Variants in PPP1R17 observed in about 807,000 individuals in gnomAD.
PPP1R17 encodes the protein G-substrate.
A neutral mutation model predicts 15.9 loss-of-function variants in PPP1R17; 12 were observed. That is an observed-to-expected ratio of 0.75 (90% CI 0.48 to 1.22). The LOEUF (loss-of-function observed/expected upper bound fraction) is 1.22. PPP1R17 is among the 50% of genes most tolerant of loss of function. The probability of loss-of-function intolerance (pLI) is 0.00; values close to 1 mark genes in which losing one functional copy is unlikely to be tolerated. For synonymous variants in PPP1R17, 63 were observed against 64.5 expected (o/e 0.98, Z 0.11); for missense variants, 211 against 187.3 (o/e 1.13, Z -0.74).
At chr7:31,705,653 A>T (rs1483534328) in intron 4 of PPP1R17, among the ~76,000 whole-genome samples, 1 of 152,182 alleles carries the variant, frequency 6.6e-6, no homozygotes, top group African/African-American at 2.4e-5. Context: ...CTGCTGTTGA[A>T]TGGAGTCCAG....
intron 4 of PPP1R17, among the ~76,000 whole-genome samples, chr7:31,699,904 A>C (rs1452070462): frequency 1.3e-5 from 2 of 151,986 alleles, no homozygotes; most frequent in Non-Finnish European, 2.9e-5. Context: ...CTGTTAACTT[A>C]ATCTATAAGT....
At chr7:31,704,797 C>T (rs534045296) in intron 4 of PPP1R17, among the ~76,000 whole-genome samples, 1 of 152,168 alleles carries the variant, frequency 6.6e-6, no homozygotes, top group African/African-American at 2.4e-5. Flanking sequence ...ATAGGCAAAG[C>T]TTTCTGGCTT....
chr7:31,687,558 T>G (rs1792155500), intron 1 of PPP1R17, among the ~76,000 whole-genome samples: 1 of 152,192 alleles, frequency 6.6e-6, no homozygotes, highest in Non-Finnish European at 1.5e-5. Context: ...GAAGTTGGTG[T>G]ATCTGCATAT....
chr7:31,696,083 G>A (rs1306208636), intron 3 of PPP1R17: 1 of 152,796 alleles, frequency 6.5e-6, no homozygotes, highest in Admixed American at 6.5e-5. Flanking sequence ...AATGAGGTAA[G>A]CTGGGAAATG....
chr7:31,695,381 C>A, intron 2 of PPP1R17, 88 bp from the exon 3 acceptor site: 1 of 1,241,442 alleles, frequency 8.1e-7, no homozygotes, highest in African/African-American at 1.5e-5. Flanking sequence ...TCTGTCCTGT[C>A]ATCAAGTGCA....
chr7:31,692,022 C>T (rs913392721), intron 1 of PPP1R17, among the ~76,000 whole-genome samples: 4 of 152,130 alleles, frequency 2.6e-5, no homozygotes, highest in African/African-American at 9.7e-5. Context: ...CATAATCCTA[C>T]TTTGCAGAAC....
At chr7:31,702,211 T>A (rs200002233) in intron 4 of PPP1R17, among the ~76,000 whole-genome samples, 22 of 139,462 alleles carry the variant, frequency 1.6e-4, no homozygotes, top group Admixed American at 2.8e-4. Flanking sequence ...TTATTTATTT[T>A]TTTTTTTGCC....
At chr7:31,689,373 T>C (rs1792240856) in intron 1 of PPP1R17, among the ~76,000 whole-genome samples, 2 of 152,166 alleles carry the variant, frequency 1.3e-5, no homozygotes, top group African/African-American at 2.4e-5. Flanking sequence ...GGACCAACTA[T>C]GCAGGCATGA....
At chr7:31,706,040 T>TA (rs1793057852) in intron 4 of PPP1R17, among the ~76,000 whole-genome samples, 1 of 133,580 alleles carries the variant, frequency 7.5e-6, no homozygotes. Context: ...AGTCTTGCTC[T>TA]GTTGCCCAGG....
At chr7:31,691,720 C>T in intron 1 of PPP1R17, among the ~76,000 whole-genome samples, 1 of 145,610 alleles carries the variant, frequency 6.9e-6, no homozygotes. Flanking sequence ...TTTCTCCTAC[C>T]ATGTTTCTAC....
rs1348626724 is a variant in PPP1R17 at position 31,697,034 on chromosome 7, C to A, written c.305C>A (p.Pro102His). ...QERHPKGKMI[P>H]VLHNTDLEQK... ...AGACATCCAAAGGGCAAAATGATCC[C>A]TGTTCTTCATAACACTGACCTGGAA... The change falls in exon 4 of 5, where the codon CCT becomes CAT. Residue 102 changes from proline (P) to histidine (H), a missense_variant. Transcript: ENST00000342032. 4 of 1,614,008 alleles carry A rather than the reference C, an allele frequency of 2.5e-6. No individual in the cohort carries two copies. The highest frequency in any genetic ancestry group is 2.7e-5 in the African/African-American group (2 of 74,902).
At chr7:31,691,287 G>A (rs1792330942) in intron 1 of PPP1R17, among the ~76,000 whole-genome samples, 1 of 152,144 alleles carries the variant, frequency 6.6e-6, no homozygotes, top group South Asian at 2.1e-4. Context: ...AGACAACAGA[G>A]TTGAACTCAT....
intron 1 of PPP1R17, among the ~76,000 whole-genome samples, chr7:31,689,265 A>C (rs1792234392): frequency 6.6e-6 from 1 of 152,240 alleles, no homozygotes; most frequent in African/African-American, 2.4e-5. Context: ...AAGTCTTTGT[A>C]GTAGACACAG....
chr7:31,695,899 G>C (rs1792559937), intron 3 of PPP1R17: 1 of 250,106 alleles, frequency 4.0e-6, no homozygotes, highest in Non-Finnish European at 7.6e-6. Context: ...GTCATTCAGG[G>C]ACCCGGTCTC....
At chr7:31,702,188 C>T (rs1792876706) in intron 4 of PPP1R17, among the ~76,000 whole-genome samples, 1 of 147,054 alleles carries the variant, frequency 6.8e-6, no homozygotes, top group African/African-American at 2.6e-5. Flanking sequence ...TGGCTTAAAT[C>T]AGCTTTTCAC....
chr7:31,692,567 G>A, intron 2 of PPP1R17, 44 bp downstream of exon 2: 1 of 1,533,676 alleles, frequency 6.5e-7, no homozygotes, highest in Non-Finnish European at 9.0e-7. Context: ...GGAAGTCAGA[G>A]AAGAGGCGTC....
At chr7:31,700,257 A>G (rs1232323090) in intron 4 of PPP1R17, among the ~76,000 whole-genome samples, 2 of 152,222 alleles carry the variant, frequency 1.3e-5, no homozygotes, top group East Asian at 3.9e-4. Flanking sequence ...CAGGAATGAT[A>G]TGGAAGTGAA....
At chr7:31,697,294 C>A (rs537459502) in intron 4 of PPP1R17, among the ~76,000 whole-genome samples, 177 bp downstream of exon 4, 1 of 152,140 alleles carries the variant, frequency 6.6e-6, no homozygotes, top group Non-Finnish European at 1.5e-5. Context: ...CTACTAGTAG[C>A]TCCCCAGGGG....
chr7:31,689,796 A>C (rs1792262336), intron 1 of PPP1R17, among the ~76,000 whole-genome samples: 1 of 152,160 alleles, frequency 6.6e-6, no homozygotes, highest in Non-Finnish European at 1.5e-5. Flanking sequence ...ATTCATGATA[A>C]AAGTATCTTC....
Sources: gnomAD v4.1 joint callset for allele counts (sites outside exome capture counted in the v4.1 genomes callset) on GRCh38, gnomAD v4.1.1 for gene constraint, MANE v1.5 for transcripts, NCBI Gene and HGNC (gene_info 2026-07-23, HGNC 2026-07-21) for gene names.